ELAVL2: variants seen among roughly 807,000 people sequenced by gnomAD.
ELAVL2 encodes the protein ELAV-like protein 2.
ELAVL2 carries 4 observed loss-of-function variants against 34.6 expected under a neutral mutation model. The ratio of observed to expected loss-of-function variants is 0.12; its 90% CI spans 0.06 to 0.26. The LOEUF is 0.26. Ranked by LOEUF, ELAVL2 falls within the 10% of genes least tolerant of loss-of-function variation. ELAVL2 has a pLI of 1.00. For synonymous variants in ELAVL2, 193 were observed against 154.8 expected, an observed-to-expected ratio of 1.25 and a Z score of -1.83; for missense variants, 432 against 442.8, an observed-to-expected ratio of 0.98 and a Z score of 0.22.
At chr9:23,749,715 A>C (rs751651361) in intron 2 of ELAVL2, among the ~76,000 whole-genome samples, 1 of 152,108 alleles carries the variant, frequency 6.6e-6, no homozygotes, top group Non-Finnish European at 1.5e-5. Flanking sequence ...TTTCATTTAA[A>C]GTGTGTTCAA....
intron 2 of ELAVL2, among the ~76,000 whole-genome samples, chr9:23,757,041 G>A (rs547361097): frequency 3.7e-4 from 57 of 152,232 alleles, no homozygotes; most frequent in South Asian, 8.3e-4. Context: ...TCTGACAACA[G>A]ATTCCAAAAC....
Position 23,702,365 on chromosome 9 carries a change from G to A in ELAVL2, c.488-761C>T, listed in dbSNP as rs1254835164. Among the ~76,000 whole-genome samples, 4 of 152,182 alleles carry A rather than the reference G, an allele frequency of 2.6e-5. No individual in the cohort carries two copies. In the East Asian group the frequency reaches 7.8e-4, roughly 29 times the overall value. On this transcript the variant is annotated intron_variant, in intron 4 of 6. Coordinates refer to ENST00000397312, the MANE Select transcript of ELAVL2 (RefSeq NM_004432.5). ...TCCTGACTACAGAAGATCACTCCCT[G>A]CCCCACATTCTCCCCAGTGTGAAAG...
intron 1 of ELAVL2, among the ~76,000 whole-genome samples, chr9:23,785,072 A>C (rs2059521621): frequency 6.6e-6 from 1 of 152,210 alleles, no homozygotes; most frequent in African/African-American, 2.4e-5. Context: ...AGATGGTCTT[A>C]AATGCCTTTC....
chr9:23,721,584 G>T (rs889871153), intron 3 of ELAVL2, among the ~76,000 whole-genome samples: 1 of 152,172 alleles, frequency 6.6e-6, no homozygotes, highest in East Asian at 1.9e-4. Flanking sequence ...GAGGAGGCAG[G>T]CAAGTATCAG....
At chr9:23,702,072 A>T (rs183711942) in intron 4 of ELAVL2, among the ~76,000 whole-genome samples, 64 of 152,308 alleles carry the variant, frequency 4.2e-4, no homozygotes, top group Non-Finnish European at 6.3e-4. Flanking sequence ...AAGCTATGCT[A>T]AAAATACATA....
intron 3 of ELAVL2, 73 bp from the exon 4 acceptor site, chr9:23,705,144 G>A (rs1310480421): frequency 1.3e-6 from 2 of 1,564,224 alleles, no homozygotes. Flanking sequence ...CTCAAAAACT[G>A]CCTCGGTAAC....
chr9:23,838,033 C>T, the ELAVL2 span, among the ~76,000 whole-genome samples: 23 of 152,110 alleles, frequency 1.5e-4, no homozygotes, highest in East Asian at 4.2e-3. Flanking sequence ...CAGTCTCCTC[C>T]ATAAACATAT....
intron 1 of ELAVL2, among the ~76,000 whole-genome samples, chr9:23,777,060 A>G (rs1347618489): frequency 1.3e-5 from 2 of 152,234 alleles, no homozygotes; most frequent in Non-Finnish European, 2.9e-5. Flanking sequence ...AGTTTCTTTA[A>G]AAGAACTCTC....
intron 1 of ELAVL2, among the ~76,000 whole-genome samples, chr9:23,800,812 T>C (rs1302633620): frequency 1.3e-5 from 2 of 152,214 alleles, no homozygotes; most frequent in Non-Finnish European, 2.9e-5. Flanking sequence ...TTTAGATCTA[T>C]CTTCATCTGA....
At chr9:23,719,551 C>T (rs1374510369) in intron 3 of ELAVL2, among the ~76,000 whole-genome samples, 2 of 152,150 alleles carry the variant, frequency 1.3e-5, no homozygotes, top group Non-Finnish European at 1.5e-5. Context: ...AGCCTTTTGG[C>T]AAGAGTATGC....
chr9:23,825,665 A>C (rs567745593), intron 1 of ELAVL2, 141 bp downstream of exon 1: 1 of 152,324 alleles, frequency 6.6e-6, no homozygotes, highest in South Asian at 2.1e-4. Flanking sequence ...CTTTAAAATT[A>C]AAAAAGCAGA....
At chr9:23,767,709 G>C (rs1357097654) in intron 1 of ELAVL2, among the ~76,000 whole-genome samples, 1 of 152,152 alleles carries the variant, frequency 6.6e-6, no homozygotes, top group Non-Finnish European at 1.5e-5. Flanking sequence ...GGAGGGGGAG[G>C]TTGCAGTCAG....
chr9:23,803,920 T>C (rs2137765522), intron 1 of ELAVL2, among the ~76,000 whole-genome samples: 1 of 152,228 alleles, frequency 6.6e-6, no homozygotes, highest in East Asian at 1.9e-4. Context: ...GAGAGTGGCA[T>C]CCACATCCTA....
intron 2 of ELAVL2, among the ~76,000 whole-genome samples, chr9:23,751,068 A>G (rs548682510): frequency 6.6e-6 from 1 of 152,282 alleles, no homozygotes; most frequent in African/African-American, 2.4e-5. Context: ...GATCTACTCT[A>G]CAAGGTAATA....
chr9:23,835,325 A>C, the ELAVL2 span, among the ~76,000 whole-genome samples: 1 of 152,018 alleles, frequency 6.6e-6, no homozygotes, highest in Admixed American at 6.5e-5. Flanking sequence ...TTCTGTGTTA[A>C]TTTCTAAGGG....
At position 23,724,604 on chromosome 9, in the gene ELAVL2, G is replaced by C. The variant is rs557329008; in HGVS notation, c.333+6418C>G. Among the ~76,000 whole-genome samples the C allele has an allele frequency of 3.0e-4, 45 of 152,272 alleles. No individual in the cohort carries two copies. The South Asian group carries it at 4.1e-3, about 14-fold the overall frequency. On this transcript the variant is annotated intron_variant, in intron 3 of 6. Transcript: ENST00000397312. ...GCATTATACAAATAACAATAAAAAA[G>C]TCATCTGTGACTTCTCACTTCAAAT...
At position 23,692,462 on chromosome 9, in the gene ELAVL2, T is replaced by C. The variant is rs952919194; in HGVS notation, c.*95A>G. ...AGTCATTTTATCCCCATCTCAACAC[T>C]GACTTACAAAGACATTTACTAATGT... On this transcript the variant is annotated 3_prime_UTR_variant, in exon 7 of 7. Coordinates refer to ENST00000397312, the MANE Select transcript of ELAVL2 (RefSeq NM_004432.5). 1.5e-6 allele frequency: 2 copies of C among 1,318,080 alleles called. No homozygotes were observed. Among genetic ancestry groups the C allele is most frequent in the East Asian group, 2.5e-5 (1 of 39,956 alleles). 81.6% of individuals were successfully genotyped at this position (1,318,080 alleles called of 1,614,324 possible).
At chr9:23,808,106 C>A (rs1012356587) in intron 1 of ELAVL2, among the ~76,000 whole-genome samples, 1 of 152,056 alleles carries the variant, frequency 6.6e-6, no homozygotes, top group Non-Finnish European at 1.5e-5. Flanking sequence ...AATTTTAGGA[C>A]CTCTGTCTAT....
rs543822899 is a variant in ELAVL2, at chr9:23,745,007, C to A, written c.230-13882G>T. Among the ~76,000 whole-genome samples the A allele has an allele frequency of 2.0e-5, 3 of 152,228 alleles. 1 individual carries two copies. The highest frequency in any genetic ancestry group is 7.2e-5 in the African/African-American group (3 of 41,538). On this transcript the variant is annotated intron_variant, in intron 2 of 6. Coordinates refer to ENST00000397312, the MANE Select transcript of ELAVL2 (RefSeq NM_004432.5). ...ATCACTTAAGCTCAGGAGCTCAAGA[C>A]TAGCCTAGGCAACAATAGGGAGAAC... is the stretch of plus-strand genomic sequence containing the variant.
Sources: gnomAD v4.1 joint callset for allele counts (sites outside exome capture counted in the v4.1 genomes callset) on GRCh38, gnomAD v4.1.1 for gene constraint, MANE v1.5 for transcripts, NCBI Gene and HGNC (gene_info 2026-07-23, HGNC 2026-07-21) for gene names.